Variants in WASL observed in about 807,000 individuals in gnomAD.
The protein encoded by WASL is actin nucleation-promoting factor WASL.
A neutral mutation model predicts 55.5 loss-of-function variants in WASL; 20 were observed. The observed-to-expected ratio is 0.36, with a 90% CI of 0.25 to 0.52. The LOEUF (loss-of-function observed/expected upper bound fraction) is 0.52, where lower values mean the gene tolerates loss of function less well. Ranked by LOEUF, WASL falls within the 20% of genes least tolerant of loss-of-function variation. WASL has a pLI of 0.92. For missense variants in WASL, 504 were observed against 622.5 expected (o/e 0.81, Z 2.03); for synonymous variants, 249 against 217.6 (o/e 1.14, Z -1.27).
intron 4 of WASL, among the ~76,000 whole-genome samples, chr7:123,705,360 A>G (rs1803653154): frequency 6.6e-6 from 1 of 152,196 alleles, no homozygotes; most frequent in African/African-American, 2.4e-5. Context: ...GAGTGGGGCT[A>G]AGGTTCAGGA....
chr7:123,710,373 T>C (rs1447108959), intron 1 of WASL, among the ~76,000 whole-genome samples: 1 of 151,884 alleles, frequency 6.6e-6, no homozygotes, highest in African/African-American at 2.4e-5. Context: ...TAAGTAATTA[T>C]GGTACCTTAG....
At chr7:123,740,092 G>A (rs569133017) in intron 1 of WASL, among the ~76,000 whole-genome samples, 51 of 152,036 alleles carry the variant, frequency 3.4e-4, no homozygotes, top group South Asian at 2.7e-3. Flanking sequence ...ACTTGACTAC[G>A]TTTCACTAAT....
chr7:123,682,526 AAT>A lies in WASL; in HGVS notation c.*1991_*1992del, dbSNP rs1803212880. The stretch of plus-strand genomic sequence containing the variant: ...TCTCTGCTGAGAGAAGTTCCTGATA[AAT>A]ATATATTATACCAAAGTCAGCTGGA... On this transcript the variant is annotated 3_prime_UTR_variant, in exon 11 of 11. Transcript: ENST00000223023. 1 of 152,134 alleles carries A rather than the reference AAT, an allele frequency of 6.6e-6. No individual in the cohort carries two copies. The highest frequency in any genetic ancestry group is 2.1e-4 in the South Asian group (1 of 4,826). 9.4% of individuals were successfully genotyped at this position (152,134 alleles called of 1,614,324 possible).
intron 1 of WASL, among the ~76,000 whole-genome samples, chr7:123,735,480 C>T (rs577534557): frequency 6.6e-6 from 1 of 151,600 alleles, no homozygotes; most frequent in South Asian, 2.1e-4. Flanking sequence ...GTTGTTATAT[C>T]TGTAGTCCAT....
chr7:123,717,298 G>A (rs1803862006), intron 1 of WASL, among the ~76,000 whole-genome samples: 1 of 152,198 alleles, frequency 6.6e-6, no homozygotes, highest in Non-Finnish European at 1.5e-5. Flanking sequence ...TTAAGTTTCA[G>A]GATCTTTTAC....
chr7:123,748,349 G>T (rs1246100083), intron 1 of WASL, among the ~76,000 whole-genome samples: 3 of 152,282 alleles, frequency 2.0e-5, no homozygotes, highest in African/African-American at 7.2e-5. Context: ...GCAAGGGCGC[G>T]GGCCGAGGCC....
chr7:123,710,901 G>A (rs955523115), intron 1 of WASL, among the ~76,000 whole-genome samples: 6 of 152,100 alleles, frequency 3.9e-5, no homozygotes, highest in Non-Finnish European at 5.9e-5. Context: ...AGAAAAATGC[G>A]TCTTGCATAC....
rs534953948 is a variant in WASL, at chr7:123,742,387, C to T, written c.117+6231G>A. On this transcript the variant is annotated intron_variant, in intron 1 of 10. Transcript: ENST00000223023. ...GCATTACAAAAAAATTTAAGAAAAC[C>T]AAGATTATTTTAATCACACAAATGA... 5.3e-5 allele frequency among the ~76,000 whole-genome samples: 8 copies of T among 152,220 alleles called. No individual in the cohort carries two copies. The South Asian group carries it at 1.7e-3, about 32-fold the overall frequency.
At chr7:123,727,640 G>A (rs899330533) in intron 1 of WASL, among the ~76,000 whole-genome samples, 17 of 152,192 alleles carry the variant, frequency 1.1e-4, no homozygotes, top group African/African-American at 3.9e-4. Flanking sequence ...AAGGGTGGAC[G>A]AAGATAGGAG....
intron 1 of WASL, among the ~76,000 whole-genome samples, chr7:123,735,458 G>A (rs1467958118): frequency 6.6e-6 from 1 of 151,544 alleles, no homozygotes; most frequent in South Asian, 2.1e-4. Context: ...TAGGAGACAG[G>A]ACATTAGAAC....
chr7:123,699,026 CTT>C (rs1363352419), intron 5 of WASL, among the ~76,000 whole-genome samples: 3 of 152,132 alleles, frequency 2.0e-5, no homozygotes, highest in African/African-American at 2.4e-5. Context: ...CTACAAATTA[CTT>C]TGTTTCTTAT....
intron 1 of WASL, among the ~76,000 whole-genome samples, chr7:123,721,863 G>C (rs968703291): frequency 6.9e-6 from 1 of 145,384 alleles, no homozygotes; most frequent in Non-Finnish European, 1.5e-5. Context: ...AGGCTGCAGT[G>C]AGCTGCGATT....
At chr7:123,726,505 T>C (rs2116810599) in intron 1 of WASL, among the ~76,000 whole-genome samples, 1 of 151,212 alleles carries the variant, frequency 6.6e-6, no homozygotes, top group South Asian at 2.1e-4. Flanking sequence ...TAGAAAAGGT[T>C]AAAGAAAAAA....
rs576947866 is a variant in WASL, at chr7:123,748,980, T to C, written c.-246A>G. The stretch of plus-strand genomic sequence containing the variant: ...CGGCCAGGCTAGGGCCGGATGGTCG[T>C]TGTCCTCGCACTCCGGCGACTGCGC... On this transcript the variant is annotated 5_prime_UTR_variant, in exon 1 of 11. Coordinates refer to ENST00000223023, the MANE Select transcript of WASL (RefSeq NM_003941.4). 2 of 508,110 alleles carry C rather than the reference T, an allele frequency of 3.9e-6. No individual in the cohort carries two copies. The highest frequency in any genetic ancestry group is 3.4e-5 in the East Asian group (1 of 28,996). The allele number at this position is 508,110 out of a possible 1,614,324, so 31.5% of individuals were successfully genotyped here. A position where few individuals can be genotyped will look rare whatever the true frequency, so the allele number is the denominator to read the frequency against.
chr7:123,740,550 A>G (rs1241363348), intron 1 of WASL, among the ~76,000 whole-genome samples: 2 of 152,010 alleles, frequency 1.3e-5, no homozygotes, highest in Non-Finnish European at 2.9e-5. Context: ...CTCAAATAAC[A>G]TCCTTTTGTT....
chr7:123,691,758 A>G (rs965018390), intron 9 of WASL, among the ~76,000 whole-genome samples: 2 of 152,210 alleles, frequency 1.3e-5, no homozygotes, highest in Non-Finnish European at 2.9e-5. Flanking sequence ...CAGAAATTCT[A>G]TTACAACTCT....
At position 123,748,787 on chromosome 7, in the gene WASL, G is replaced by A. The variant is rs1039507295; in HGVS notation, c.-53C>T. 8.4e-6 allele frequency: 12 copies of A among 1,431,456 alleles called. No individual in the cohort carries two copies. The highest frequency in any genetic ancestry group is 1.1e-5 in the Non-Finnish European group (12 of 1,073,068). 88.7% of individuals were successfully genotyped at this position (1,431,456 alleles called of 1,614,324 possible). ...GGGCCGTCTCCTCCGGCGAGTGGGC[G>A]AGAGCTCGTTCCCCCTCTCGGTGAC... On this transcript the variant is annotated 5_prime_UTR_variant, in exon 1 of 11. Transcript: ENST00000223023.
Position 123,683,570 on chromosome 7 carries a change from T to C in WASL, c.*949A>G, listed in dbSNP as rs1349481149. 1 of 148,998 alleles carries C rather than the reference T, an allele frequency of 6.7e-6. No individual in the cohort carries two copies. Among genetic ancestry groups the C allele is most frequent in the Non-Finnish European group, 1.5e-5 (1 of 66,862 alleles). The allele number at this position is 148,998 out of a possible 1,614,324, so 9.2% of individuals were successfully genotyped here. On this transcript the variant is annotated 3_prime_UTR_variant, in exon 11 of 11. Coordinates refer to ENST00000223023, the MANE Select transcript of WASL (RefSeq NM_003941.4). ...AGATTACATTTTTATGGTTGGTATT[T>C]CTGAACACCTCAATCCACACAAAGT...
chr7:123,706,493 A>G (rs1033622638), intron 3 of WASL, 120 bp from the exon 4 acceptor site: 1 of 934,978 alleles, frequency 1.1e-6, no homozygotes, highest in African/African-American at 1.7e-5. Context: ...TTACTAGCAG[A>G]TAAGACATTA....
Sources: gnomAD v4.1 joint callset for allele counts (sites outside exome capture counted in the v4.1 genomes callset) on GRCh38, gnomAD v4.1.1 for gene constraint, MANE v1.5 for transcripts, NCBI Gene and HGNC (gene_info 2026-07-23, HGNC 2026-07-21) for gene names.